DENND1A: variants seen among roughly 807,000 people sequenced by gnomAD.
DENND1A encodes the protein DENN domain-containing protein 1A.
In DENND1A, 51 loss-of-function variants were observed where a neutral mutation model predicts 113.7. The observed-to-expected ratio is 0.45, with a 90% confidence interval of 0.36 to 0.57. The LOEUF is 0.57. Among genes scored for constraint, DENND1A ranks in the 20% least tolerant of loss-of-function variants. The pLI, the probability that DENND1A is intolerant of heterozygous loss-of-function variation, is 0.00. For missense variants in DENND1A, 1,258 were observed against 1,395.9 expected, an observed-to-expected ratio of 0.90 and a Z score of 1.57; for synonymous variants, 565 against 570.8, an observed-to-expected ratio of 0.99 and a Z score of 0.14.
At chr9:123,392,432 C>T (rs2042904673) in intron 21 of DENND1A, among the ~76,000 whole-genome samples, 1 of 152,178 alleles carries the variant, frequency 6.6e-6, no homozygotes, top group Non-Finnish European at 1.5e-5. Context: ...GAAAGGATCA[C>T]TTCACTCAGG....
intron 19 of DENND1A, among the ~76,000 whole-genome samples, chr9:123,418,339 C>T (rs1486844026): frequency 6.6e-6 from 1 of 152,226 alleles, no homozygotes; most frequent in Non-Finnish European, 1.5e-5. Context: ...CTGCCTGGCC[C>T]TCGGCATCTC....
chr9:123,652,187 A>C lies in DENND1A; in HGVS notation c.508-64T>G, dbSNP rs528479936. ...CTTTGTTCTTATTATAACTGTATCT[A>C]ATAAGAGCATAAGAAACATAAAATA... On this transcript the variant is annotated intron_variant, in intron 8 of 23. Transcript: ENST00000394215. 1.2e-5 allele frequency: 15 copies of C among 1,294,524 alleles called. No homozygotes were observed. In the South Asian group the frequency reaches 1.8e-4, roughly 16 times the overall value. The allele number at this position is 1,294,524 out of a possible 1,614,324, so 80.2% of individuals were successfully genotyped here. A position where few individuals can be genotyped will look rare whatever the true frequency, so the allele number is the denominator to read the frequency against.
chr9:123,790,390 A>G (rs940223951), intron 3 of DENND1A, among the ~76,000 whole-genome samples: 15 of 152,016 alleles, frequency 9.9e-5, no homozygotes, highest in Non-Finnish European at 1.8e-4. Context: ...AGGAGGCGAA[A>G]AAAAAAAGGA....
At chr9:123,385,077 C>T (rs1367218246) in intron 22 of DENND1A, among the ~76,000 whole-genome samples, 2 of 152,206 alleles carry the variant, frequency 1.3e-5, no homozygotes, top group Non-Finnish European at 2.9e-5. Flanking sequence ...GACCTGAGTC[C>T]CAGGGCACCA....
At chr9:123,383,192 G>A (rs1022810188) in intron 23 of DENND1A, among the ~76,000 whole-genome samples, 2 of 152,248 alleles carry the variant, frequency 1.3e-5, no homozygotes, top group Non-Finnish European at 2.9e-5. Context: ...CCACTTGCAA[G>A]TGAGGAAACT....
intron 5 of DENND1A, among the ~76,000 whole-genome samples, chr9:123,752,124 C>CT (rs1554734577): frequency 2.1e-4 from 31 of 149,968 alleles, no homozygotes; most frequent in East Asian, 1.8e-3. Flanking sequence ...ACAAGAAATA[C>CT]TTTTTTTTTT....
chr9:123,551,166 T>A (rs1436540607), intron 13 of DENND1A, among the ~76,000 whole-genome samples: 1 of 152,218 alleles, frequency 6.6e-6, no homozygotes, highest in Admixed American at 6.5e-5. Context: ...GCATCTGATT[T>A]TCTCCAGGTG....
intron 16 of DENND1A, among the ~76,000 whole-genome samples, chr9:123,452,886 G>A (rs1262403922): frequency 6.6e-6 from 1 of 152,090 alleles, no homozygotes; most frequent in Non-Finnish European, 1.5e-5. Flanking sequence ...TCTCTGGTAG[G>A]CTGCCTTCCT....
chr9:123,765,054 G>T (rs1417796396), intron 4 of DENND1A, among the ~76,000 whole-genome samples: 1 of 152,168 alleles, frequency 6.6e-6, no homozygotes, highest in Non-Finnish European at 1.5e-5. Flanking sequence ...GGGAAGATAA[G>T]ATGTTAATAC....
At chr9:123,863,468 C>T (rs1845349689) in intron 2 of DENND1A, among the ~76,000 whole-genome samples, 1 of 152,144 alleles carries the variant, frequency 6.6e-6, no homozygotes, top group African/African-American at 2.4e-5. Flanking sequence ...TAGAGCAAAA[C>T]CTTTTAAATT....
At chr9:123,461,511 T>G (rs1235167946) in intron 13 of DENND1A, among the ~76,000 whole-genome samples, 2 of 151,936 alleles carry the variant, frequency 1.3e-5, no homozygotes, top group Non-Finnish European at 2.9e-5. Flanking sequence ...GCACAGGGAG[T>G]TGAGCTGCTC....
chr9:123,639,039 T>TAAAAAAAAAAAAAAAAAA (rs750972974), intron 9 of DENND1A, among the ~76,000 whole-genome samples: 88 of 31,974 alleles, frequency 2.8e-3, no homozygotes, highest in Non-Finnish European at 3.5e-3. Context: ...GCATGAGTAG[T>TAAAAAAAAAAAAAAAAAA]AAAAAAAAAA....
chr9:123,507,825 A>AAAT (rs2053101131), intron 13 of DENND1A, among the ~76,000 whole-genome samples: 1 of 148,744 alleles, frequency 6.7e-6, no homozygotes, highest in African/African-American at 2.5e-5. Flanking sequence ...AACCTATCTC[A>AAAT]AAATAAATAA....
At chr9:123,400,385 G>C (rs2043369004) in intron 21 of DENND1A, 1 of 152,246 alleles carries the variant, frequency 6.6e-6, no homozygotes. Context: ...GATACTTGCT[G>C]AATGAATGAA....
At chr9:123,654,383 G>A (rs959951486) in intron 8 of DENND1A, among the ~76,000 whole-genome samples, 5 of 152,140 alleles carry the variant, frequency 3.3e-5, no homozygotes, top group African/African-American at 1.2e-4. Flanking sequence ...CCACCAAAAC[G>A]TGGCCTCAAG....
chr9:123,471,646 G>A (rs1051657498), intron 13 of DENND1A, among the ~76,000 whole-genome samples: 13 of 152,178 alleles, frequency 8.5e-5, no homozygotes, highest in African/African-American at 2.4e-5. Flanking sequence ...TTGACTTCTC[G>A]TAAGAACCCT....
intron 2 of DENND1A, among the ~76,000 whole-genome samples, chr9:123,826,912 A>G (rs537286568): frequency 6.6e-6 from 1 of 152,358 alleles, no homozygotes; most frequent in Admixed American, 6.5e-5. Context: ...TGACTCTAGA[A>G]ATAAGCAATA....
At chr9:123,506,379 C>A (rs370520111) in intron 13 of DENND1A, among the ~76,000 whole-genome samples, 5 of 151,888 alleles carry the variant, frequency 3.3e-5, no homozygotes, top group African/African-American at 1.2e-4. Context: ...GTCAAGAGAT[C>A]GAGACCATCC....
At chr9:123,691,130 G>C (rs2065164870) in intron 5 of DENND1A, among the ~76,000 whole-genome samples, 1 of 152,160 alleles carries the variant, frequency 6.6e-6, no homozygotes, top group Non-Finnish European at 1.5e-5. Context: ...TTCCCTGTTA[G>C]ATTTTCAGGC....
Sources: allele counts gnomAD v4.1 joint callset (sites outside exome capture counted in the v4.1 genomes callset), GRCh38; gene constraint gnomAD v4.1.1; transcripts MANE v1.5; gene names NCBI Gene and HGNC (gene_info 2026-07-23, HGNC 2026-07-21).